The following KCNH8 variants were observed in gnomAD, a reference collection of about 807,000 sequenced individuals.
KCNH8 encodes the protein potassium voltage-gated channel subfamily H member 8.
A neutral mutation model predicts 103.6 loss-of-function variants in KCNH8; 70 were observed. That is an observed-to-expected ratio of 0.68 (90% confidence interval 0.56 to 0.82). KCNH8 has a LOEUF of 0.82. KCNH8 is among the 40% of genes least tolerant of loss of function. The probability of loss-of-function intolerance (pLI) is 0.00; values close to 1 mark genes in which losing one functional copy is unlikely to be tolerated. For missense variants in KCNH8, 1,217 were observed against 1,329.9 expected (o/e 0.92, Z 1.32); for synonymous variants, 498 against 489.4 (o/e 1.02, Z -0.23).
At chr3:19,500,778 G>C (rs934330825) in intron 11 of KCNH8, among the ~76,000 whole-genome samples, 1 of 152,106 alleles carries the variant, frequency 6.6e-6, no homozygotes, top group South Asian at 2.1e-4. Flanking sequence ...CACATTCAAA[G>C]TTGTGTGTAG....
intron 5 of KCNH8, among the ~76,000 whole-genome samples, chr3:19,381,217 A>G (rs2066283882): frequency 6.6e-6 from 1 of 152,042 alleles, no homozygotes; most frequent in Admixed American, 6.5e-5. Flanking sequence ...CAAAATACAG[A>G]GATCATAAAT....
At chr3:19,258,948 TA>T (rs1434961389) in intron 2 of KCNH8, among the ~76,000 whole-genome samples, 1 of 40,488 alleles carries the variant, frequency 2.5e-5, no homozygotes, top group Non-Finnish European at 5.1e-5. Flanking sequence ...TCTCTCTCTC[TA>T]TATATATATA....
intron 3 of KCNH8, among the ~76,000 whole-genome samples, chr3:19,305,240 A>G (rs1215279838): frequency 6.6e-6 from 1 of 152,134 alleles, no homozygotes; most frequent in Non-Finnish European, 1.5e-5. Context: ...CCCAGAATCT[A>G]TATCCAGCAT....
At chr3:19,436,074 A>G (rs2067195157) in intron 7 of KCNH8, among the ~76,000 whole-genome samples, 1 of 152,170 alleles carries the variant, frequency 6.6e-6, no homozygotes, top group Admixed American at 6.5e-5. Context: ...TTATCATGCT[A>G]ATGATAAACT....
chr3:19,309,904 T>C (rs1180734255), intron 3 of KCNH8, among the ~76,000 whole-genome samples: 2 of 151,908 alleles, frequency 1.3e-5, no homozygotes, highest in Non-Finnish European at 2.9e-5. Flanking sequence ...AATTCATTGG[T>C]GGGTCAAGTG....
intron 5 of KCNH8, among the ~76,000 whole-genome samples, chr3:19,382,941 T>G (rs181293351): frequency 1.3e-5 from 2 of 152,188 alleles, no homozygotes; most frequent in African/African-American, 2.4e-5. Context: ...TGACAGAAGA[T>G]CCACATCTTG....
chr3:19,222,770 A>G (rs1304417324), intron 1 of KCNH8, among the ~76,000 whole-genome samples: 1 of 152,160 alleles, frequency 6.6e-6, no homozygotes, highest in African/African-American at 2.4e-5. Flanking sequence ...TAAATCACTA[A>G]TGTCTGGTTC....
chr3:19,153,940 T>C (rs2063155868), intron 1 of KCNH8, among the ~76,000 whole-genome samples: 1 of 152,134 alleles, frequency 6.6e-6, no homozygotes. Flanking sequence ...CCCAATCATT[T>C]TTCTAATAAT....
chr3:19,428,788 G>A (rs2067067254), intron 7 of KCNH8, among the ~76,000 whole-genome samples: 1 of 152,154 alleles, frequency 6.6e-6, no homozygotes, highest in Admixed American at 6.5e-5. Flanking sequence ...ACAAGATCGC[G>A]TATGCACTTT....
intron 3 of KCNH8, among the ~76,000 whole-genome samples, chr3:19,290,189 A>C (rs150789362): frequency 0.11 from 17,154 of 151,868 alleles, 2,995 homozygotes; most frequent in African/African-American, 0.38. Context: ...ATGTCATCTA[A>C]AAACAGGGAC....
At chr3:19,499,782 G>A (rs1009920585) in intron 11 of KCNH8, among the ~76,000 whole-genome samples, 2 of 152,116 alleles carry the variant, frequency 1.3e-5, no homozygotes, top group African/African-American at 4.8e-5. Context: ...AAGAGCTCCT[G>A]AAGGAAGCGC....
chr3:19,455,118 C>T (rs1237581288), intron 10 of KCNH8, among the ~76,000 whole-genome samples: 1 of 152,116 alleles, frequency 6.6e-6, no homozygotes, highest in African/African-American at 2.4e-5. Flanking sequence ...TAAACTTGTT[C>T]TAGCAACTTT....
At chr3:19,373,384 C>T (rs925530366) in intron 5 of KCNH8, among the ~76,000 whole-genome samples, 6 of 151,976 alleles carry the variant, frequency 3.9e-5, no homozygotes, top group African/African-American at 1.5e-4. Flanking sequence ...TCTAGATTTT[C>T]TAGTTTATTT....
At chr3:19,330,032 A>G (rs1166855230) in intron 3 of KCNH8, among the ~76,000 whole-genome samples, 1 of 152,016 alleles carries the variant, frequency 6.6e-6, no homozygotes, top group African/African-American at 2.4e-5. Flanking sequence ...AAAGGATTGA[A>G]TTCTTTAGCC....
intron 11 of KCNH8, 40 bp downstream of exon 11, chr3:19,457,022 T>C (rs1430580361): frequency 7.2e-6 from 10 of 1,385,646 alleles, no homozygotes; most frequent in Admixed American, 3.5e-5. Flanking sequence ...CCTAATAACA[T>C]TGGGCCTGGA....
intron 1 of KCNH8, among the ~76,000 whole-genome samples, chr3:19,159,908 G>A (rs2063217790): frequency 6.6e-6 from 1 of 151,964 alleles, no homozygotes; most frequent in Non-Finnish European, 1.5e-5. Flanking sequence ...GGAAATTATA[G>A]TGTATGTATA....
At chr3:19,513,779 C>G (rs6549944) in intron 13 of KCNH8, among the ~76,000 whole-genome samples, 1 of 151,966 alleles carries the variant, frequency 6.6e-6, no homozygotes, top group Non-Finnish European at 1.5e-5. Flanking sequence ...TTATCAAGGA[C>G]GGCTAAAACT....
At chr3:19,331,587 G>A (rs530279495) in intron 3 of KCNH8, among the ~76,000 whole-genome samples, 5 of 152,110 alleles carry the variant, frequency 3.3e-5, no homozygotes, top group South Asian at 2.1e-4. Context: ...CACCGTTCCC[G>A]GCCAATTATT....
At chr3:19,294,552 T>C (rs899677461) in intron 3 of KCNH8, among the ~76,000 whole-genome samples, 1 of 152,222 alleles carries the variant, frequency 6.6e-6, no homozygotes, top group Non-Finnish European at 1.5e-5. Context: ...GTGATGGCAC[T>C]GGAACTGAAG....
Sources: gnomAD v4.1 joint callset for allele counts (sites outside exome capture counted in the v4.1 genomes callset) on GRCh38, gnomAD v4.1.1 for gene constraint, MANE v1.5 for transcripts, NCBI Gene and HGNC (gene_info 2026-07-23, HGNC 2026-07-21) for gene names.